LTV1: variants seen among roughly 807,000 people sequenced by gnomAD.
The protein encoded by LTV1 is protein LTV1 homolog.
A neutral mutation model predicts 59.9 loss-of-function variants in LTV1; 39 were observed. The observed-to-expected ratio is 0.65, with a 90% confidence interval of 0.50 to 0.85. The LOEUF is 0.85. LTV1 is among the 40% of genes least tolerant of loss of function. The probability of loss-of-function intolerance (pLI) is 0.00; values close to 1 mark genes in which losing one functional copy is unlikely to be tolerated. For missense variants in LTV1, 493 were observed against 549.1 expected (o/e 0.90, Z 1.02); for synonymous variants, 171 against 189.5 (o/e 0.90, Z 0.80).
intron 6 of LTV1, 64 bp from the exon 7 acceptor site, chr6:143,860,362 T>C: frequency 2.0e-6 from 3 of 1,472,318 alleles, no homozygotes; most frequent in African/African-American, 1.4e-5. Flanking sequence ...AAAAAATTTT[T>C]AAGTGTGTAG....
chr6:143,857,905 C>T lies in LTV1; in HGVS notation c.693C>T (p.Phe231=). The change falls in exon 6 of 11, where the codon TTC becomes TTT. Residue 231 remains phenylalanine (F), a synonymous_variant. Transcript: ENST00000367576. The surrounding 1 kb of genome is among the most constrained non-coding windows in gnomAD (Gnocchi z 5.2). ...KTHRAIADHL[F]WSEETKSRFT... The stretch of plus-strand genomic sequence containing the variant: ...ACAGAGCTATAGCAGATCACTTGTT[C>T]TGGAGTGAGGAAACAAAGAGTCGCT... 1 of 1,614,040 alleles carries T rather than the reference C, an allele frequency of 6.2e-7. No individual in the cohort carries two copies. Among genetic ancestry groups the T allele is most frequent in the Non-Finnish European group, 8.5e-7 (1 of 1,180,016 alleles).
intron 4 of LTV1, among the ~76,000 whole-genome samples, chr6:143,852,510 G>A (rs1357318389): frequency 1.3e-5 from 2 of 152,008 alleles, no homozygotes; most frequent in African/African-American, 2.4e-5. Flanking sequence ...TTCTCCCATT[G>A]TGTGGGTTGC....
At position 143,850,117 on chromosome 6, in the gene LTV1, A is replaced by G. The variant is rs371959009; in HGVS notation, c.310-14A>G. ...TCCAAATAAACCTAACCATTGTGCA[A>G]TTTCTTTTTCAAGAGCACTGGAATT... On this transcript the variant is annotated splice_polypyrimidine_tract_variant and intron_variant, in intron 3 of 10. Transcript: ENST00000367576. The G allele has an allele frequency of 4.3e-5, 69 of 1,607,730 alleles. No individual in the cohort carries two copies. Among genetic ancestry groups the G allele is most frequent in the Middle Eastern group, 3.3e-4 (2 of 6,070 alleles).
At position 143,863,689 on chromosome 6, in the gene LTV1, C is replaced by T; in HGVS notation, c.*162C>T. ...TATACTAGTAAGTGTCCCCTGCCAA[C>T]CATCTTGTAAATATTGTAATACTTT... On this transcript the variant is annotated 3_prime_UTR_variant, in exon 11 of 11. Transcript: ENST00000367576. The surrounding 1 kb of genome is among the most constrained non-coding windows in gnomAD (Gnocchi z 4.5). 2 of 481,304 alleles carry T rather than the reference C, an allele frequency of 4.2e-6. No individual in the cohort carries two copies. Among genetic ancestry groups the T allele is most frequent in the Non-Finnish European group, 7.5e-6 (2 of 265,922 alleles). The allele number at this position is 481,304 out of a possible 1,614,324, so 29.8% of individuals were successfully genotyped here.
chr6:143,860,025 C>G (rs1777136761), intron 6 of LTV1, among the ~76,000 whole-genome samples: 1 of 151,958 alleles, frequency 6.6e-6, no homozygotes, highest in South Asian at 2.1e-4. Flanking sequence ...ATTGCTTGAG[C>G]CTGAGAGTTT....
At chr6:143,851,902 C>T (rs961688915) in intron 4 of LTV1, among the ~76,000 whole-genome samples, 1 of 152,146 alleles carries the variant, frequency 6.6e-6, no homozygotes, top group Non-Finnish European at 1.5e-5. Flanking sequence ...AGGACATGAA[C>T]GTGTCCTTTT....
chr6:143,848,489 C>T (rs1000813219), intron 3 of LTV1, among the ~76,000 whole-genome samples: 4 of 152,314 alleles, frequency 2.6e-5, no homozygotes, highest in East Asian at 1.9e-4. Context: ...TTTACTCATG[C>T]TCCTCAGAGG....
At chr6:143,860,869 T>C (rs1185938973) in intron 7 of LTV1, among the ~76,000 whole-genome samples, 1 of 151,806 alleles carries the variant, frequency 6.6e-6, no homozygotes, top group Admixed American at 6.6e-5. Context: ...TGGAGAAGAG[T>C]CATGGTAGAA....
Position 143,857,246 on chromosome 6 carries a change from A to C in LTV1, c.398-57A>C. 6.3e-7 allele frequency: 1 copy of C among 1,599,460 alleles called. No individual in the cohort carries two copies. ...TCATAGGTCCTTATATTGTGAGTTA[A>C]GTGAATGAATTGTTGCTATCTTGGG... On this transcript the variant is annotated intron_variant, in intron 4 of 10. Coordinates refer to ENST00000367576, the MANE Select transcript of LTV1 (RefSeq NM_032860.5). The surrounding 1 kb of genome is among the most constrained non-coding windows in gnomAD (Gnocchi z 5.2).
chr6:143,860,898 ATT>A (rs34010559), intron 7 of LTV1, among the ~76,000 whole-genome samples: 6 of 144,110 alleles, frequency 4.2e-5, no homozygotes, highest in Non-Finnish European at 3.1e-5. Flanking sequence ...CGTTTATTAA[ATT>A]TTTTTTTTTT....
At position 143,854,885 on chromosome 6, in the gene LTV1, A is replaced by G. The variant is rs941085821; in HGVS notation, c.398-2418A>G. ...TTCCAATTATGTGGTCAATTTTAGGATAAGTGCAATGTGGTGCTGAGAAGA... is the reference window on the plus strand; with the variant it reads ...TTCCAATTATGTGGTCAATTTTAGGGTAAGTGCAATGTGGTGCTGAGAAGA... On this transcript the variant is annotated intron_variant, in intron 4 of 10. Transcript: ENST00000367576. 3.9e-5 allele frequency among the ~76,000 whole-genome samples: 6 copies of G among 152,112 alleles called. No individual in the cohort carries two copies. The East Asian group carries it at 9.6e-4, about 24-fold the overall frequency.
At chr6:143,847,957 T>C (rs12526647) in intron 3 of LTV1, among the ~76,000 whole-genome samples, 7,203 of 152,250 alleles carry the variant, frequency 0.047, 241 homozygotes, top group Admixed American at 0.081. Flanking sequence ...ATAGAAATGA[T>C]TGATGCTTGA....
chr6:143,861,163 C>G (rs896591204), intron 7 of LTV1, among the ~76,000 whole-genome samples: 4 of 152,130 alleles, frequency 2.6e-5, no homozygotes, highest in African/African-American at 4.8e-5. Flanking sequence ...TCCCAAAGTG[C>G]TGGGATTATA....
At chr6:143,856,830 C>T (rs1777083575) in intron 4 of LTV1, among the ~76,000 whole-genome samples, 1 of 152,236 alleles carries the variant, frequency 6.6e-6, no homozygotes. Flanking sequence ...GGGTACCCGC[C>T]AGATGCCAAC....
At chr6:143,858,929 C>T (rs1777120845) in intron 6 of LTV1, among the ~76,000 whole-genome samples, 1 of 152,150 alleles carries the variant, frequency 6.6e-6, no homozygotes, top group African/African-American at 2.4e-5. Context: ...TTTCCCTTTA[C>T]ATATTCTATG....
In LTV1 at chr6:143,844,628, T is replaced by G. The variant is rs1051129408; in HGVS notation, c.135+11T>G. On this transcript the variant is annotated intron_variant, in intron 2 of 10. Transcript: ENST00000367576. ...TTGCCCACACAAAAAGTAGGTCCTG[T>G]TCTTTAGCCAGTCAGTTTGTAGGTA... is the stretch of plus-strand genomic sequence containing the variant. 1 of 1,604,490 alleles carries G rather than the reference T, an allele frequency of 6.2e-7. No individual in the cohort carries two copies. The highest frequency in any genetic ancestry group is 1.3e-5 in the African/African-American group (1 of 74,220).
Position 143,857,897 on chromosome 6 carries a change from C to G in LTV1, c.685C>G (p.His229Asp). 3 of 1,614,144 alleles carry G rather than the reference C, an allele frequency of 1.9e-6. No homozygotes were observed. Among genetic ancestry groups the G allele is most frequent in the Non-Finnish European group, 1.7e-6 (2 of 1,180,030 alleles). ...PGKTHRAIAD[H>D]LFWSEETKSR... is the part of the protein sequence containing the mutation. ...AAAAACTCACAGAGCTATAGCAGAT[C>G]ACTTGTTCTGGAGTGAGGAAACAAA... Residue 229 changes from histidine to aspartate, a missense_variant, in exon 6 of 11, where the codon CAC (histidine) becomes GAC (aspartate). His to Asp is a moderately conservative substitution (Grantham distance 81). Transcript: ENST00000367576. This position sits in a 1 kb window ranked among gnomAD's most constrained non-coding sequence, Gnocchi z 5.2.
rs1582942797 is a variant in LTV1 at position 143,860,477 on chromosome 6, T to C, written c.847T>C (p.Leu283=). ...DEIGALDNAE[L]EGSIQVDSNR... ...AATTGGAGCTCTGGATAATGCAGAA[T>C]TGGAAGGTTCTATTCAAGTGGACAG... The change falls in exon 7 of 11, where the codon TTG becomes CTG. Residue 283 remains leucine, a synonymous_variant. Coordinates refer to ENST00000367576, the MANE Select transcript of LTV1 (RefSeq NM_032860.5). The C allele has an allele frequency of 6.2e-7, 1 of 1,613,646 alleles. No homozygotes were observed.
chr6:143,856,048 C>T (rs1777070941), intron 4 of LTV1, among the ~76,000 whole-genome samples: 1 of 152,208 alleles, frequency 6.6e-6, no homozygotes, highest in Non-Finnish European at 1.5e-5. Flanking sequence ...TTCCATTCTC[C>T]CTATCACTTT....
Sources: gnomAD v4.1 joint callset for allele counts (sites outside exome capture counted in the v4.1 genomes callset) on GRCh38, gnomAD v4.1.1 for gene constraint, Gnocchi (gnomAD v3.1) non-coding constraint, MANE v1.5 for transcripts, NCBI Gene and HGNC (gene_info 2026-07-23, HGNC 2026-07-21) for gene names.